AKAP8L: variants seen among roughly 807,000 people sequenced by gnomAD.
AKAP8L encodes A-kinase anchor protein 8-like.
AKAP8L carries 34 observed loss-of-function variants against 77.5 expected under a neutral mutation model. The ratio of observed to expected loss-of-function variants is 0.44; its 90% confidence interval spans 0.33 to 0.58. The LOEUF is 0.58. AKAP8L is among the 20% of genes least tolerant of loss of function. AKAP8L has a pLI of 0.02. For synonymous variants in AKAP8L, 342 were observed against 340.7 expected, an observed-to-expected ratio of 1.00 and a Z score of -0.04; for missense variants, 806 against 887.6, an observed-to-expected ratio of 0.91 and a Z score of 1.17.
intron 2 of AKAP8L, among the ~76,000 whole-genome samples, chr19:15,405,715 A>C (rs1967983040): frequency 6.6e-6 from 1 of 151,740 alleles, no homozygotes; most frequent in Admixed American, 6.6e-5. Context: ...CGAGGTCAGG[A>C]GTTCGAGACC....
intron 12 of AKAP8L, among the ~76,000 whole-genome samples, chr19:15,395,991 A>AAAAAAAAG (rs1555698364): frequency 7.2e-6 from 1 of 138,846 alleles, no homozygotes; most frequent in African/African-American, 2.9e-5. Context: ...CTCAAAAAAA[A>AAAAAAAAG]AAAAAAAAAA....
At chr19:15,388,931 T>C (rs950616044) in intron 12 of AKAP8L, among the ~76,000 whole-genome samples, 1 of 135,396 alleles carries the variant, frequency 7.4e-6, no homozygotes, top group Non-Finnish European at 1.6e-5. Context: ...AAGAGTGAAC[T>C]TGGCCGAGCT....
At chr19:15,381,412 G>C (rs1390200859) in intron 12 of AKAP8L, among the ~76,000 whole-genome samples, 2 of 152,176 alleles carry the variant, frequency 1.3e-5, no homozygotes, top group African/African-American at 4.8e-5. Flanking sequence ...GAGCATGCCA[G>C]AGCCATTTTG....
Position 15,399,428 on chromosome 19 carries a change from C to T in AKAP8L, c.1049-18G>A, listed in dbSNP as rs1967844564. The T allele has an allele frequency of 1.3e-6, 2 of 1,594,940 alleles. No individual in the cohort carries two copies. Among genetic ancestry groups the T allele is most frequent in the African/African-American group, 2.7e-5 (2 of 74,652 alleles). On this transcript the variant is annotated intron_variant, in intron 8 of 13. Transcript: ENST00000397410. The surrounding 1 kb of genome is among the most constrained non-coding windows in gnomAD (Gnocchi z 6.1). ...TAGGGCCCCTGTGGGAGCAGATGGG[C>T]ACTGTCACCAATTTGGCTCTGCCAG...
chr19:15,400,378 A>C lies in AKAP8L; in HGVS notation c.985-20T>G. On this transcript the variant is annotated intron_variant, in intron 7 of 13. Transcript: ENST00000397410. Reference sequence around the variant, plus strand: ...TCCGTCCTAACAATTTCAAATTCCAACTTTAAAACAGGTGCCTTTTTTTTT... The same window carrying C: ...TCCGTCCTAACAATTTCAAATTCCACCTTTAAAACAGGTGCCTTTTTTTTT... 6.3e-7 allele frequency: 1 copy of C among 1,578,710 alleles called. No homozygotes were observed. Among genetic ancestry groups the C allele is most frequent in the Admixed American group, 2.0e-5 (1 of 50,396 alleles).
chr19:15,401,214 C>A lies in AKAP8L; in HGVS notation c.752G>T (p.Gly251Val), dbSNP rs199715575. ...AFPGGSRFGFGFGNGMKQMRR... is the reference protein window; with the variant it reads ...AFPGGSRFGFVFGNGMKQMRR... ...CATCTGCTTCATGCCATTGCCAAACCCGAAACCAAAGCGGGAGCCGCCCGG... is the reference window on the plus strand; with the variant it reads ...CATCTGCTTCATGCCATTGCCAAACACGAAACCAAAGCGGGAGCCGCCCGG... The change falls in exon 5 of 14, where the codon GGG becomes GTG. Residue 251 changes from glycine (G) to valine (V), a missense_variant. By Grantham distance (109) the Gly-to-Val change is moderately radical. Coordinates refer to ENST00000397410, the MANE Select transcript of AKAP8L (RefSeq NM_014371.4). The surrounding 1 kb of genome is among the most constrained non-coding windows in gnomAD (Gnocchi z 6.2). 14 of 1,612,858 alleles carry A rather than the reference C, an allele frequency of 8.7e-6. No homozygotes were observed. The East Asian group carries it at 3.1e-4, about 36-fold the overall frequency.
Position 15,380,316 on chromosome 19 carries a change from C to G in AKAP8L, c.1747G>C (p.Glu583Gln). ...GEAAGISEGA[E>Q]GVPAQPPVPP... The stretch of plus-strand genomic sequence containing the variant: ...ACGGGAGGCTGCGCCGGCACGCCCT[C>G]TGCGCCCTCCGAGATCCCTGCCGCT... Residue 583 changes from glutamate to glutamine, a missense_variant, in exon 14 of 14, where the codon GAG (glutamate) becomes CAG (glutamine). Physicochemically the swap from Glu to Gln is conservative, Grantham distance 29 (BLOSUM62 2). This residue lies in a region of AKAP8L where 226 missense variants were observed against 193.5 expected (regional missense o/e 1.17). Coordinates refer to ENST00000397410, the MANE Select transcript of AKAP8L (RefSeq NM_014371.4). The G allele has an allele frequency of 6.5e-7, 1 of 1,536,562 alleles. No individual in the cohort carries two copies. Among genetic ancestry groups the G allele is most frequent in the South Asian group, 1.2e-5 (1 of 84,050 alleles).
Position 15,397,777 on chromosome 19 carries a change from G to C in AKAP8L, c.1236C>G (p.Phe412Leu). 6.2e-7 allele frequency: 1 copy of C among 1,614,016 alleles called. No homozygotes were observed. Among genetic ancestry groups the C allele is most frequent in the Non-Finnish European group, 8.5e-7 (1 of 1,179,902 alleles). ...CTACGTACTTAAAGTGTTCCTTGTG[G>C]AACTTGCTGTCAAGATGGCTGGCCA... is the stretch of plus-strand genomic sequence containing the variant. ...DEMASHLDSK[F>L]HKEHFKYVGT... Residue 412 changes from phenylalanine (F) to leucine (L), a missense_variant, in exon 10 of 14, where the codon TTC becomes TTG. By Grantham distance (22) the Phe-to-Leu change is conservative. Around this residue, in one of 2 missense-constraint regions of AKAP8L, gnomAD observed 580 missense variants for 694.1 expected, o/e 0.84. Transcript: ENST00000397410. This position sits in a 1 kb window ranked among gnomAD's most constrained non-coding sequence, Gnocchi z 4.7.
intron 12 of AKAP8L, among the ~76,000 whole-genome samples, chr19:15,386,750 C>T (rs1967546202): frequency 6.6e-6 from 1 of 152,216 alleles, no homozygotes; most frequent in African/African-American, 2.4e-5. Flanking sequence ...CCTCTACTTC[C>T]CGGGTTCAAA....
intron 4 of AKAP8L, among the ~76,000 whole-genome samples, chr19:15,402,645 C>A: frequency 6.6e-6 from 1 of 152,236 alleles, no homozygotes; most frequent in East Asian, 1.9e-4. Context: ...AGCCCTGGGG[C>A]CTCCCTTGGC....
chr19:15,406,153 C>T (rs939137517), intron 2 of AKAP8L, among the ~76,000 whole-genome samples: 2 of 152,052 alleles, frequency 1.3e-5, no homozygotes, highest in African/African-American at 4.8e-5. Context: ...TCAGGAGTCC[C>T]TCCAGGCAAA....
chr19:15,384,808 A>C (rs549884819), intron 12 of AKAP8L, among the ~76,000 whole-genome samples: 3 of 152,324 alleles, frequency 2.0e-5, no homozygotes, highest in African/African-American at 7.2e-5. Context: ...CAGCTTTTCT[A>C]AGAGCATAAT....
At chr19:15,381,326 A>G (rs750730498) in intron 12 of AKAP8L, 2 of 152,382 alleles carry the variant, frequency 1.3e-5, no homozygotes, top group African/African-American at 2.4e-5. Flanking sequence ...CATTCAAAAG[A>G]ACATCATGCA....
rs180749120 is a variant in AKAP8L, at chr19:15,416,833, G to A, written c.13+2078C>T. Among the ~76,000 whole-genome samples, 157 of 152,276 alleles carry A rather than the reference G, an allele frequency of 1.0e-3. 1 individual carries two copies. The highest frequency in any genetic ancestry group is 4.2e-3 in the Admixed American group (65 of 15,304). On this transcript the variant is annotated intron_variant, in intron 1 of 13. Transcript: ENST00000397410. The stretch of plus-strand genomic sequence containing the variant: ...AGGTAACAGGGTTCAAAAGCAGGGC[G>A]AGTTAATAAAAAGATTTATCAGTCA...
chr19:15,406,383 G>GAGAGAGAGAGAGAGAGAA (rs1967999744), intron 2 of AKAP8L, among the ~76,000 whole-genome samples: 1 of 149,082 alleles, frequency 6.7e-6, no homozygotes, highest in South Asian at 2.1e-4. Flanking sequence ...GAGAGAGAGA[G>GAGAGAGAGAGAGAGAGAA]AGAGAGAGAG....
chr19:15,400,394 CTT>C (rs113004130), intron 7 of AKAP8L, 36 bp from the exon 8 acceptor site: 5,912 of 1,347,726 alleles, frequency 4.4e-3, no homozygotes, highest in Non-Finnish European at 4.8e-3. Flanking sequence ...AAACAGGTGC[CTT>C]TTTTTTTTTT....
In AKAP8L at chr19:15,391,326, C is replaced by T. The variant is rs539642775; in HGVS notation, c.1536+5824G>A. On this transcript the variant is annotated intron_variant, in intron 12 of 13. Transcript: ENST00000397410. ...ACAAAAAATTAGCTGCGCGTGGTGG[C>T]GGGCACCTGTAGTCCCAGCTACTTG... is the stretch of plus-strand genomic sequence containing the variant. Among the ~76,000 whole-genome samples the T allele has an allele frequency of 7.2e-4, 108 of 150,408 alleles. 1 individual carries two copies. The highest frequency in any genetic ancestry group is 1.2e-3 in the Non-Finnish European group (79 of 67,498).
chr19:15,410,485 G>T, intron 2 of AKAP8L, 35 bp downstream of exon 2: 1 of 1,539,058 alleles, frequency 6.5e-7, no homozygotes, highest in Non-Finnish European at 8.8e-7. Flanking sequence ...CTGCTCTGCA[G>T]AACACTTTGG....
chr19:15,387,450 T>TC (rs1385514966), intron 12 of AKAP8L, among the ~76,000 whole-genome samples: 1 of 152,166 alleles, frequency 6.6e-6, no homozygotes, highest in African/African-American at 2.4e-5. Flanking sequence ...TAGCTTTTTT[T>TC]TTTCTTTCTG....
Sources: allele counts gnomAD v4.1 joint callset (sites outside exome capture counted in the v4.1 genomes callset), GRCh38; gene constraint gnomAD v4.1.1; regional missense constraint gnomAD v4.1.1; non-coding constraint Gnocchi (gnomAD v3.1); transcripts MANE v1.5; gene names NCBI Gene and HGNC (gene_info 2026-07-23, HGNC 2026-07-21).